Variants in VPS36 observed in about 807,000 individuals in gnomAD.
VPS36 encodes the protein vacuolar protein sorting 36 homolog.
Under a neutral mutation model 63.5 loss-of-function variants are expected in VPS36, and 31 were observed. That is an observed-to-expected ratio of 0.49 (90% CI 0.37 to 0.66). VPS36 has a LOEUF of 0.66. Among genes scored for constraint, VPS36 ranks in the 30% least tolerant of loss-of-function variants. The pLI is 0.00. For synonymous variants in VPS36, 138 were observed against 157.2 expected, an observed-to-expected ratio of 0.88 and a Z score of 0.91; for missense variants, 338 against 463.7, an observed-to-expected ratio of 0.73 and a Z score of 2.49.
rs1325133741 is a variant in VPS36 at position 52,439,168 on chromosome 13, C to G, written c.166G>C (p.Glu56Gln). The G allele has an allele frequency of 6.2e-7, 1 of 1,613,150 alleles. No homozygotes were observed. The highest frequency in any genetic ancestry group is 8.5e-7 in the Non-Finnish European group (1 of 1,179,552). ...GAAAGGAGAATGGCCATGCAACACT[C>G]CTAGGAGGAAATCAATAGCTTAAAT... ...RLIWRDQKNHECCMAILLSQI... is the reference protein window; with the variant it reads ...RLIWRDQKNHQCCMAILLSQI... Residue 56 changes from glutamate (E) to glutamine (Q), a missense_variant and splice_region_variant, in exon 3 of 14, where the codon GAG (glutamate) becomes CAG (glutamine). Glu to Gln is a conservative substitution (Grantham distance 29). Coordinates refer to ENST00000378060, the MANE Select transcript of VPS36 (RefSeq NM_016075.4).
At chr13:52,440,032 G>A (rs1254677771) in intron 2 of VPS36, among the ~76,000 whole-genome samples, 1 of 150,990 alleles carries the variant, frequency 6.6e-6, no homozygotes, top group Admixed American at 6.6e-5. Flanking sequence ...AAGCTGGAGT[G>A]CAGTAGTACA....
chr13:52,426,861 A>G lies in VPS36; in HGVS notation c.639+128T>C. The G allele has an allele frequency of 4.8e-6, 3 of 631,502 alleles. No individual in the cohort carries two copies. The South Asian group carries it at 8.1e-5, about 17-fold the overall frequency. The allele number at this position is 631,502 out of a possible 1,614,324, so 39.1% of individuals were successfully genotyped here. On this transcript the variant is annotated intron_variant, in intron 8 of 13. Coordinates refer to ENST00000378060, the MANE Select transcript of VPS36 (RefSeq NM_016075.4). ...CGGAGCGACACTCCGTCTCATAAAT[A>G]AATAAACAATAAATAAAACATAAAT... is the stretch of plus-strand genomic sequence containing the variant.
intron 1 of VPS36, chr13:52,449,969 C>G: frequency 4.1e-6 from 4 of 985,726 alleles, no homozygotes; most frequent in Non-Finnish European, 4.8e-6. Context: ...CCTCACCCCT[C>G]TGCCCAGATA....
intron 1 of VPS36, among the ~76,000 whole-genome samples, chr13:52,446,462 C>T (rs1041632552): frequency 1.6e-4 from 25 of 152,138 alleles, no homozygotes; most frequent in Non-Finnish European, 3.7e-4. Context: ...AATTGTGTAA[C>T]AGTTCCCTTT....
intron 1 of VPS36, among the ~76,000 whole-genome samples, chr13:52,446,013 G>A (rs1280568555): frequency 6.7e-6 from 1 of 149,202 alleles, no homozygotes; most frequent in African/African-American, 2.5e-5. Flanking sequence ...CACTTTGGGA[G>A]GCCGAGGCAG....
intron 4 of VPS36, 95 bp from the exon 5 acceptor site, chr13:52,434,977 T>C (rs954919884): frequency 5.4e-5 from 69 of 1,269,664 alleles, no homozygotes; most frequent in Middle Eastern, 5.7e-4. Flanking sequence ...TTTTCTTTTT[T>C]TTTTTTTTTT....
chr13:52,447,982 C>T (rs1319501991), intron 1 of VPS36, among the ~76,000 whole-genome samples: 1 of 152,142 alleles, frequency 6.6e-6, no homozygotes, highest in Non-Finnish European at 1.5e-5. Context: ...TAAAATACCT[C>T]ATATTCTGAT....
chr13:52,439,135 C>T lies in VPS36; in HGVS notation c.199G>A (p.Val67Met), dbSNP rs1419009084. The T allele has an allele frequency of 6.2e-7, 1 of 1,613,778 alleles. No homozygotes were observed. The highest frequency in any genetic ancestry group is 1.1e-5 in the South Asian group (1 of 91,032). Residue 67 changes from valine to methionine, a missense_variant, in exon 3 of 14, where the codon GTG becomes ATG. Val to Met is a conservative substitution (Grantham distance 21, BLOSUM62 1). Coordinates refer to ENST00000378060, the MANE Select transcript of VPS36 (RefSeq NM_016075.4). Reference sequence around the variant, plus strand: ...CCAGCCGCCTGTTCTTCAATGAACACAATTTGGGAAAGGAGAATGGCCATG... The same window carrying T: ...CCAGCCGCCTGTTCTTCAATGAACATAATTTGGGAAAGGAGAATGGCCATG... Reference protein sequence around the residue: ...CCMAILLSQIVFIEEQAAGIG... With the variant: ...CCMAILLSQIMFIEEQAAGIG...
intron 6 of VPS36, among the ~76,000 whole-genome samples, chr13:52,432,667 C>G (rs1399730391): frequency 6.6e-6 from 1 of 152,174 alleles, no homozygotes; most frequent in African/African-American, 2.4e-5. Context: ...ACAGCATCAC[C>G]TCTAGTTTTG....
At position 52,426,022 on chromosome 13, in the gene VPS36, G is replaced by A. The variant is rs939071864; in HGVS notation, c.684C>T (p.Asn228=). 1.9e-6 allele frequency: 3 copies of A among 1,614,000 alleles called. No homozygotes were observed. The highest frequency in any genetic ancestry group is 1.3e-5 in the African/African-American group (1 of 74,936). ...AGCCGTAGGTTTCTCTGGTAACTGG[G>A]TTAGCTATTCCCATGCTCAGCAAGT... ...KSYLLSMGIA[N]PVTRETYGSG... is the part of the protein sequence containing the mutation. The change falls in exon 9 of 14, where the codon AAC becomes AAT. Residue 228 remains asparagine (N), a synonymous_variant. Coordinates refer to ENST00000378060, the MANE Select transcript of VPS36 (RefSeq NM_016075.4).
At chr13:52,416,965 T>C (rs542057894) in intron 12 of VPS36, 92 bp downstream of exon 12, 1 of 1,080,926 alleles carries the variant, frequency 9.3e-7, no homozygotes, top group East Asian at 2.5e-5. Context: ...TCAGTAAAGT[T>C]AAATTCAAAA....
intron 6 of VPS36, among the ~76,000 whole-genome samples, chr13:52,428,341 A>C (rs1958124031): frequency 6.6e-6 from 1 of 152,234 alleles, no homozygotes; most frequent in Admixed American, 6.5e-5. Flanking sequence ...ATATCAGTCC[A>C]TATGGTGGTC....
At position 52,413,347 on chromosome 13, in the gene VPS36, A is replaced by C. The variant is rs1023062500; in HGVS notation, c.*2483T>G. On this transcript the variant is annotated 3_prime_UTR_variant, in exon 14 of 14. Coordinates refer to ENST00000378060, the MANE Select transcript of VPS36 (RefSeq NM_016075.4). ...AGTTCATGACATGTCCCATTGTTTT[A>C]AGACAACTAAAACAGTAAGAGCTCA... is the stretch of plus-strand genomic sequence containing the variant. 10 of 152,242 alleles carry C rather than the reference A, an allele frequency of 6.6e-5. No individual in the cohort carries two copies. The highest frequency in any genetic ancestry group is 1.3e-4 in the Non-Finnish European group (9 of 68,040). 9.4% of individuals were successfully genotyped at this position (152,242 alleles called of 1,614,324 possible). A position where few individuals can be genotyped will look rare whatever the true frequency, so the allele number is the denominator to read the frequency against.
chr13:52,440,557 T>G (rs1958266192), intron 2 of VPS36, among the ~76,000 whole-genome samples: 1 of 152,094 alleles, frequency 6.6e-6, no homozygotes, highest in African/African-American at 2.4e-5. Flanking sequence ...CCTCCCAACG[T>G]GCTGGGATTA....
At chr13:52,424,961 C>T (rs1294806545) in intron 9 of VPS36, among the ~76,000 whole-genome samples, 1 of 150,282 alleles carries the variant, frequency 6.7e-6, no homozygotes, top group Non-Finnish European at 1.5e-5. Flanking sequence ...GCACTCCAGA[C>T]TGGGCGACAA....
intron 3 of VPS36, 40 bp downstream of exon 3, chr13:52,439,058 T>C (rs755285186): frequency 1.3e-6 from 2 of 1,580,520 alleles, no homozygotes; most frequent in Non-Finnish European, 1.7e-6. Context: ...TAACAGGAAA[T>C]GTTTTCTGTG....
At chr13:52,427,334 A>T (rs1958112555) in intron 6 of VPS36, 115 bp from the exon 7 acceptor site, 1 of 1,066,120 alleles carries the variant, frequency 9.4e-7, no homozygotes, top group Admixed American at 2.1e-5. Flanking sequence ...AGCCGGGCGC[A>T]GTGGCTCACG....
chr13:52,445,579 C>A (rs1160928991), intron 1 of VPS36, among the ~76,000 whole-genome samples: 1 of 139,506 alleles, frequency 7.2e-6, no homozygotes, highest in Non-Finnish European at 1.5e-5. Flanking sequence ...GTGGAGCTTG[C>A]AGAGAGCTGA....
At chr13:52,435,009 T>C (rs1958200260) in intron 4 of VPS36, 127 bp from the exon 5 acceptor site, 5 of 902,458 alleles carry the variant, frequency 5.5e-6, no homozygotes. Context: ...TTTGTTCTTG[T>C]TGCCCAGGCT....
Sources: gnomAD v4.1 joint callset for allele counts (sites outside exome capture counted in the v4.1 genomes callset) on GRCh38, gnomAD v4.1.1 for gene constraint, MANE v1.5 for transcripts, NCBI Gene and HGNC (gene_info 2026-07-23, HGNC 2026-07-21) for gene names.